Variants in GFRA2 observed in about 807,000 individuals in gnomAD.
The protein encoded by GFRA2 is GDNF family receptor alpha 2, also known as GDNF family receptor alpha-2.
In GFRA2, 17 loss-of-function variants were observed where a neutral mutation model predicts 48.3. The observed-to-expected ratio is 0.35, with a 90% CI of 0.24 to 0.53. The LOEUF is 0.53. GFRA2 is among the 20% of genes least tolerant of loss of function. The pLI is 0.93. For missense variants in GFRA2, 660 were observed against 637.3 expected, an observed-to-expected ratio of 1.04 and a Z score of -0.38; for synonymous variants, 305 against 257.2, an observed-to-expected ratio of 1.19 and a Z score of -1.78.
chr8:21,718,701 C>T (rs538002567), intron 4 of GFRA2, among the ~76,000 whole-genome samples: 5 of 152,260 alleles, frequency 3.3e-5, no homozygotes, highest in East Asian at 1.9e-4. Context: ...AACAAGGGTT[C>T]GTTACCATCA....
At chr8:21,727,939 G>A (rs1038427170) in intron 4 of GFRA2, among the ~76,000 whole-genome samples, 4 of 150,388 alleles carry the variant, frequency 2.7e-5, no homozygotes, top group Non-Finnish European at 5.9e-5. Flanking sequence ...AGTCTGGGCC[G>A]CCCTTCAGCC....
chr8:21,774,883 C>A, intron 3 of GFRA2, 89 bp downstream of exon 3: 1 of 739,028 alleles, frequency 1.4e-6, no homozygotes, highest in Non-Finnish European at 2.5e-6. Context: ...TCATCGGACG[C>A]CAGGATGCCT....
In GFRA2 at chr8:21,705,164, G is replaced by A. The variant is rs779452267; in HGVS notation, c.905-39C>T. The A allele has an allele frequency of 6.3e-6, 10 of 1,580,082 alleles. No individual in the cohort carries two copies. In the Admixed American group the frequency reaches 1.0e-4, roughly 17 times the overall value. On this transcript the variant is annotated intron_variant, in intron 5 of 8. Transcript: ENST00000524240. ...AAGGTGGGGGAGAGGAGAGAGGTACGGTGGGGCCTTCCCCTTGGGCCCACA... is the reference window on the plus strand; with the variant it reads ...AAGGTGGGGGAGAGGAGAGAGGTACAGTGGGGCCTTCCCCTTGGGCCCACA...
Position 21,788,104 on chromosome 8 carries a change from G to A in GFRA2, c.40+16C>T, listed in dbSNP as rs1275993029. The stretch of plus-strand genomic sequence containing the variant: ...TTCTCGCCTCCCCCTCGAGCTCGCC[G>A]CCCGCAGGTACTCACCTAGAAAGAA... On this transcript the variant is annotated intron_variant, in intron 1 of 8. Coordinates refer to ENST00000524240, the MANE Select transcript of GFRA2 (RefSeq NM_001495.5). 7.8e-6 allele frequency: 8 copies of A among 1,028,554 alleles called. No individual in the cohort carries two copies. The Admixed American group carries it at 1.2e-4, about 16-fold the overall frequency. 63.7% of individuals were successfully genotyped at this position (1,028,554 alleles called of 1,614,324 possible).
intron 3 of GFRA2, among the ~76,000 whole-genome samples, chr8:21,755,597 A>C (rs962483595): frequency 6.7e-6 from 1 of 149,158 alleles, no homozygotes; most frequent in African/African-American, 2.5e-5. Context: ...GTGTCAGGGA[A>C]GTCAGGTGTG....
rs1312917997 is a variant in GFRA2 at position 21,691,756 on chromosome 8, CAA to C, written c.*1520_*1521del. On this transcript the variant is annotated 3_prime_UTR_variant, in exon 9 of 9. Transcript: ENST00000524240. ...CATTTGCGCCAACTGGAGAAGTGAGCAAAGAGGGAACAGAACAGCCCACCAGG... is the reference window on the plus strand; with the variant it reads ...CATTTGCGCCAACTGGAGAAGTGAGCAGAGGGAACAGAACAGCCCACCAGG... 2.0e-5 allele frequency: 3 copies of C among 152,274 alleles called. No homozygotes were observed. Among genetic ancestry groups the C allele is most frequent in the African/African-American group, 7.2e-5 (3 of 41,458 alleles). The allele number at this position is 152,274 out of a possible 1,614,324, so 9.4% of individuals were successfully genotyped here. A position where few individuals can be genotyped will look rare whatever the true frequency, so the allele number is the denominator to read the frequency against.
chr8:21,770,724 G>C (rs1001073677), intron 3 of GFRA2, among the ~76,000 whole-genome samples: 2 of 151,212 alleles, frequency 1.3e-5, no homozygotes, highest in African/African-American at 4.9e-5. Context: ...TGTCCTTTAG[G>C]CATGGGCCCA....
intron 4 of GFRA2, chr8:21,706,352 C>T (rs1461721650): frequency 2.0e-6 from 1 of 510,230 alleles, no homozygotes; most frequent in Admixed American, 2.3e-5. Context: ...TAGGCTGGAG[C>T]CGGGTGGGTT....
exon 2 of GFRA2, chr8:21,805,086 A>G (rs1807835762): frequency 6.6e-6 from 1 of 152,194 alleles, no homozygotes; most frequent in African/African-American, 2.4e-5. Flanking sequence ...GAAATTACAG[A>G]TTAGCTTTAT....
rs1408898837 is a variant in GFRA2 at position 21,694,452 on chromosome 8, C to T, written c.1272+12G>A. The stretch of plus-strand genomic sequence containing the variant: ...GCCTTCTGCACCCATCCCCACTCTG[C>T]CCCCAACTCACCTCTGTGAAGCACA... On this transcript the variant is annotated intron_variant, in intron 8 of 8. Transcript: ENST00000524240. 2 of 1,610,668 alleles carry T rather than the reference C, an allele frequency of 1.2e-6. No homozygotes were observed. Among genetic ancestry groups the T allele is most frequent in the Admixed American group, 1.7e-5 (1 of 59,846 alleles).
rs138572932 is a variant in GFRA2, at chr8:21,765,570, C to T, written c.439+9402G>A. Among the ~76,000 whole-genome samples, 199 of 152,182 alleles carry T rather than the reference C, an allele frequency of 1.3e-3. 6 individuals carry two copies. In the East Asian group the frequency reaches 0.03, roughly 23 times the overall value. On this transcript the variant is annotated intron_variant, in intron 3 of 8. Coordinates refer to ENST00000524240, the MANE Select transcript of GFRA2 (RefSeq NM_001495.5). ...ACTCTCCTGACTATATACCCTCCCT[C>T]CATGACCTCATGGTTCCGTGGCTTT... is the stretch of plus-strand genomic sequence containing the variant.
intron 4 of GFRA2, among the ~76,000 whole-genome samples, chr8:21,747,499 T>C (rs1464460726): frequency 1.3e-5 from 2 of 152,132 alleles, no homozygotes; most frequent in African/African-American, 2.4e-5. Flanking sequence ...ACCCACCTTC[T>C]TCACAGAGCT....
chr8:21,797,070 G>A (rs1433332661), intron 2 of GFRA2, among the ~76,000 whole-genome samples: 1 of 152,114 alleles, frequency 6.6e-6, no homozygotes, highest in African/African-American at 2.4e-5. Context: ...ACTGGGCCAA[G>A]GTGTCCTAAC....
rs759602805 is a variant in GFRA2 at position 21,702,920 on chromosome 8, G to T, written c.1103C>A (p.Pro368His). The T allele has an allele frequency of 6.3e-7, 1 of 1,581,472 alleles. No homozygotes were observed. Among genetic ancestry groups the T allele is most frequent in the East Asian group, 2.3e-5 (1 of 44,160 alleles). The change falls in exon 7 of 9, where the codon CCC (proline) becomes CAC (histidine). Residue 368 changes from proline to histidine, a missense_variant. Pro to His is a moderately conservative substitution (Grantham distance 77, BLOSUM62 -2). Transcript: ENST00000524240. ...AGGGGCCTGGGTGGCCTGGAACGAG[G>T]GGCCTTTTGGGGACACGTTCACGTC... is the stretch of plus-strand genomic sequence containing the variant. ...GTDVNVSPKGPSFQATQAPRV... is the reference protein window; with the variant it reads ...GTDVNVSPKGHSFQATQAPRV...
rs926552108 is a variant in GFRA2, at chr8:21,784,371, C to G, written c.41-1472G>C. 11 of 456,070 alleles carry G rather than the reference C, an allele frequency of 2.4e-5. No homozygotes were observed. In the East Asian group the frequency reaches 7.6e-4, roughly 32 times the overall value. The allele number at this position is 456,070 out of a possible 1,614,324, so 28.3% of individuals were successfully genotyped here. On this transcript the variant is annotated intron_variant, in intron 1 of 8. Coordinates refer to ENST00000524240, the MANE Select transcript of GFRA2 (RefSeq NM_001495.5). ...GAAAGAGTAATTTGGGAGGCTTCCT[C>G]GACTCCATCTCGCCTCAGAACATAA...
In GFRA2 at chr8:21,758,484, T is replaced by C. The variant is rs138464779; in HGVS notation, c.440-7542A>G. The stretch of plus-strand genomic sequence containing the variant: ...TTCCTGCCTCCCAGGAAACTGCCCC[T>C]CATCCCATTTGCAGCTGCAGTGTCC... On this transcript the variant is annotated intron_variant, in intron 3 of 8. Coordinates refer to ENST00000524240, the MANE Select transcript of GFRA2 (RefSeq NM_001495.5). Among the ~76,000 whole-genome samples the C allele has an allele frequency of 9.2e-3, 1,403 of 152,108 alleles. 20 individuals carry two copies. The highest frequency in any genetic ancestry group is 0.032 in the African/African-American group (1,343 of 41,456).
At chr8:21,790,062 G>A (rs1463696605), upstream of GFRA2, 3 of 984,916 alleles carry the variant, frequency 3.0e-6, no homozygotes, top group East Asian at 2.3e-4. Flanking sequence ...TCGGTGGGCC[G>A]GGCTCACCGG....
intron 4 of GFRA2, among the ~76,000 whole-genome samples, chr8:21,730,769 G>A (rs1194989321): frequency 3.9e-5 from 6 of 152,186 alleles, no homozygotes; most frequent in African/African-American, 9.6e-5. Flanking sequence ...AGGGCAGCAC[G>A]TGCTTTATTA....
rs142915155 is a variant in GFRA2 at position 21,776,469 on chromosome 8, CTTT to C, written c.356-1417_356-1415del. On this transcript the variant is annotated intron_variant, in intron 2 of 8. Transcript: ENST00000524240. ...ACAACAGCCTCATCCAGACGAGACTCTTTTTTTTTTTTTTTTTTGAGACAGAGT... is the reference window on the plus strand; with the variant it reads ...ACAACAGCCTCATCCAGACGAGACTCTTTTTTTTTTTTTTTGAGACAGAGT... Among the ~76,000 whole-genome samples, 765 of 133,780 alleles carry C rather than the reference CTTT, an allele frequency of 5.7e-3. 4 individuals carry two copies. The highest frequency in any genetic ancestry group is 0.039 in the East Asian group (179 of 4,642). The allele number at this position is 133,780 out of a possible 152,430, so 87.8% of individuals were successfully genotyped here.
Sources: gnomAD v4.1 joint callset for allele counts (sites outside exome capture counted in the v4.1 genomes callset) on GRCh38, gnomAD v4.1.1 for gene constraint, MANE v1.5 for transcripts, NCBI Gene and HGNC (gene_info 2026-07-23, HGNC 2026-07-21) for gene names.